The following CR1 variants were observed in gnomAD, a reference collection of about 807,000 sequenced individuals.
The protein encoded by CR1 is complement receptor type 1.
Under a neutral mutation model 187.3 loss-of-function variants are expected in CR1, and 116 were observed. That is an observed-to-expected ratio of 0.62 (90% CI 0.53 to 0.72). CR1 has a LOEUF of 0.72. CR1 is among the 30% of genes least tolerant of loss of function. CR1 has a pLI of 0.00. For missense variants in CR1, 1,731 were observed against 2,110.7 expected (o/e 0.82, Z 3.52); for synonymous variants, 576 against 747.1 (o/e 0.77, Z 3.73).
intron 45 of CR1, among the ~76,000 whole-genome samples, chr1:207,624,117 G>C (rs1459676794): frequency 2.0e-5 from 3 of 151,608 alleles, no homozygotes; most frequent in Non-Finnish European, 4.4e-5. Context: ...GTACAGAAAG[G>C]GTTTTGCCAT....
intron 40 of CR1, among the ~76,000 whole-genome samples, chr1:207,616,128 A>C (rs986597561): frequency 1.3e-5 from 2 of 152,212 alleles, no homozygotes; most frequent in Non-Finnish European, 2.9e-5. Flanking sequence ...TGAATCACCA[A>C]GAAACATTTA....
intron 46 of CR1, among the ~76,000 whole-genome samples, chr1:207,637,799 C>T (rs1221940251): frequency 6.6e-6 from 1 of 152,124 alleles, no homozygotes; most frequent in Non-Finnish European, 1.5e-5. Flanking sequence ...TCCGCGGTGG[C>T]GCTTTTCTTT....
chr1:207,577,837 A>G lies in CR1; in HGVS notation c.4570A>G (p.Asn1524Asp). The change falls in exon 29 of 47, where the codon AAT becomes GAT. Residue 1524 changes from asparagine to aspartate, a missense_variant. By Grantham distance (23) the Asn-to-Asp change is conservative (BLOSUM62 1). Transcript: ENST00000367049. Reference protein sequence around the residue: ...IPCGLPPTIANGDFISTNREN... With the variant: ...IPCGLPPTIADGDFISTNREN... ...TTGTGGGCTACCCCCAACCATCGCCAATGGAGATTTCATTAGCACCAACAG... is the reference window on the plus strand; with the variant it reads ...TTGTGGGCTACCCCCAACCATCGCCGATGGAGATTTCATTAGCACCAACAG... 6.2e-7 allele frequency: 1 copy of G among 1,613,906 alleles called. No homozygotes were observed. Among genetic ancestry groups the G allele is most frequent in the African/African-American group, 1.3e-5 (1 of 75,028 alleles).
In CR1 at chr1:207,581,864, G is replaced by T; in HGVS notation, c.5217-54G>T. 4.8e-6 allele frequency: 6 copies of T among 1,246,606 alleles called. No homozygotes were observed. In the South Asian group the frequency reaches 7.3e-5, roughly 15 times the overall value. 77.2% of individuals were successfully genotyped at this position (1,246,606 alleles called of 1,614,324 possible). A position where few individuals can be genotyped will look rare whatever the true frequency, so the allele number is the denominator to read the frequency against. Reference sequence around the variant, plus strand: ...CAGGGAGGAGGTTGAGATCTGTCACGAAGGGAAGAGAGAAATGGTGCATTC... The same window carrying T: ...CAGGGAGGAGGTTGAGATCTGTCACTAAGGGAAGAGAGAAATGGTGCATTC... On this transcript the variant is annotated intron_variant, in intron 31 of 46. Transcript: ENST00000367049.
intron 2 of CR1, 102 bp from the exon 3 acceptor site, chr1:207,506,612 C>T (rs964651429): frequency 7.0e-5 from 64 of 912,456 alleles, no homozygotes; most frequent in East Asian, 6.6e-4. Context: ...ATCAGAACTG[C>T]GTGTGTTCCT....
At chr1:207,607,130 G>C (rs1044208746) in intron 35 of CR1, 121 bp from the exon 36 acceptor site, 3 of 672,176 alleles carry the variant, frequency 4.5e-6, no homozygotes, top group African/African-American at 1.8e-5. Flanking sequence ...TCTTCCTTCC[G>C]AGGTCTGCCA....
intron 29 of CR1, among the ~76,000 whole-genome samples, chr1:207,578,473 T>TATAC (rs1660838119): frequency 6.6e-6 from 1 of 152,226 alleles, no homozygotes; most frequent in South Asian, 2.1e-4. Flanking sequence ...CCAGCTGCAA[T>TATAC]CTCTCTCAAG....
At chr1:207,635,526 G>A (rs1162835035) in intron 46 of CR1, among the ~76,000 whole-genome samples, 1 of 152,168 alleles carries the variant, frequency 6.6e-6, no homozygotes, top group Non-Finnish European at 1.5e-5. Flanking sequence ...TCAGTAGATG[G>A]AATATACAAT....
intron 35 of CR1, among the ~76,000 whole-genome samples, chr1:207,599,479 C>T (rs1376994326): frequency 1.3e-5 from 2 of 152,152 alleles, no homozygotes; most frequent in African/African-American, 4.8e-5. Flanking sequence ...ATCTTCTTAG[C>T]TACTAATCCC....
At position 207,515,601 on chromosome 1, in the gene CR1, T is replaced by G. The variant is rs1487220974; in HGVS notation, c.487+3947T>G. On this transcript the variant is annotated intron_variant, in intron 4 of 46. Transcript: ENST00000367049. The stretch of plus-strand genomic sequence containing the variant: ...CATCTCAATGTTATATTTGGAAGAG[T>G]CATTTTTGTTTTTGCAGGAAGGATT... Among the ~76,000 whole-genome samples, 4 of 152,080 alleles carry G rather than the reference T, an allele frequency of 2.6e-5. No homozygotes were observed. The East Asian group carries it at 5.8e-4, about 22-fold the overall frequency.
At chr1:207,626,340 G>A (rs565096863) in intron 45 of CR1, among the ~76,000 whole-genome samples, 83 of 152,306 alleles carry the variant, frequency 5.4e-4, no homozygotes, top group African/African-American at 1.7e-3. Context: ...CCCTTCTTTC[G>A]GAAGGAGTTG....
chr1:207,619,379 AAAAAAAAAAAAAAAAG>A (rs1662246542), intron 42 of CR1, among the ~76,000 whole-genome samples: 1 of 143,426 alleles, frequency 7.0e-6, no homozygotes. Context: ...TGAGACTCAA[AAAAAAAAAAAAAAAAG>A]AAAAAGAAAA....
chr1:207,620,141 A>G, intron 43 of CR1, 76 bp downstream of exon 43: 1 of 1,435,284 alleles, frequency 7.0e-7, no homozygotes, highest in Non-Finnish European at 9.5e-7. Flanking sequence ...ATTGGCATCA[A>G]GTGTAGTGTG....
At chr1:207,593,084 C>CAAA (rs57700679) in intron 35 of CR1, among the ~76,000 whole-genome samples, 42 of 83,108 alleles carry the variant, frequency 5.1e-4, no homozygotes, top group East Asian at 4.1e-3. Context: ...CACAGAATTA[C>CAAA]AAAAAAAAAA....
At chr1:207,630,081 G>A (rs947707243) in intron 45 of CR1, among the ~76,000 whole-genome samples, 6 of 152,094 alleles carry the variant, frequency 3.9e-5, no homozygotes, top group African/African-American at 7.2e-5. Flanking sequence ...TCCCCTAACC[G>A]TGGATATTGC....
rs3208047 is a variant in CR1, at chr1:207,639,903, A to G, written c.*494A>G. The G allele has an allele frequency of 1.4e-5, 2 of 147,104 alleles. No individual in the cohort carries two copies. Among genetic ancestry groups the G allele is most frequent in the African/African-American group, 5.6e-5 (2 of 35,998 alleles). The allele number at this position is 147,104 out of a possible 1,614,324, so 9.1% of individuals were successfully genotyped here. A position where few individuals can be genotyped will look rare whatever the true frequency, so the allele number is the denominator to read the frequency against. ...ATTTTCTGCCTATCTTCTTTCACAT[A>G]TGTGTTTTTTTACATACGTACTTTT... On this transcript the variant is annotated 3_prime_UTR_variant, in exon 47 of 47. Transcript: ENST00000367049.
In CR1 at chr1:207,577,272, A is replaced by AAC. The variant is rs939125221; in HGVS notation, c.4538-532_4538-531insCA. The stretch of plus-strand genomic sequence containing the variant: ...TTAAAACAAACAAACAAACAAAAAA[A>AAC]AAACACATGGACTCTAATAATACAT... On this transcript the variant is annotated intron_variant, in intron 28 of 46. Coordinates refer to ENST00000367049, the MANE Select transcript of CR1 (RefSeq NM_000651.6). Among the ~76,000 whole-genome samples the AAC allele has an allele frequency of 8.5e-4, 130 of 152,108 alleles. 5 individuals are homozygous for AAC. In the South Asian group the frequency reaches 0.024, roughly 28 times the overall value.
rs956363246 is a variant in CR1 at position 207,595,424 on chromosome 1, G to A, written c.5810+6650G>A. ...ATCAAGATTAACAACAATGGGCCCC[G>A]GCCCTACATGGAAGAAAATTATGCC... On this transcript the variant is annotated intron_variant, in intron 35 of 46. Coordinates refer to ENST00000367049, the MANE Select transcript of CR1 (RefSeq NM_000651.6). 3.9e-5 allele frequency among the ~76,000 whole-genome samples: 6 copies of A among 152,040 alleles called. No homozygotes were observed. The East Asian group carries it at 5.8e-4, about 15-fold the overall frequency.
chr1:207,497,921 G>T (rs2102327524), intron 1 of CR1, among the ~76,000 whole-genome samples: 1 of 152,302 alleles, frequency 6.6e-6, no homozygotes, highest in Non-Finnish European at 1.5e-5. Flanking sequence ...CTTCCAGTGT[G>T]CACGGTCCTT....
Sources: gnomAD v4.1 joint callset for allele counts (sites outside exome capture counted in the v4.1 genomes callset) on GRCh38, gnomAD v4.1.1 for gene constraint, MANE v1.5 for transcripts, NCBI Gene and HGNC (gene_info 2026-07-23, HGNC 2026-07-21) for gene names.